Variants in SLC28A1 observed in about 807,000 individuals in gnomAD.
The protein encoded by SLC28A1 is solute carrier family 28 member 1.
Under a neutral mutation model 74.8 loss-of-function variants are expected in SLC28A1, and 64 were observed. The ratio of observed to expected loss-of-function variants is 0.86; its 90% confidence interval spans 0.70 to 1.05. The LOEUF (loss-of-function observed/expected upper bound fraction) is 1.05. SLC28A1 is among the 50% of genes least tolerant of loss of function. The pLI is 0.00. For missense variants in SLC28A1, 828 were observed against 822.8 expected, an observed-to-expected ratio of 1.01 and a Z score of -0.08; for synonymous variants, 359 against 335.0, an observed-to-expected ratio of 1.07 and a Z score of -0.78.
chr15:84,965,907 G>T, the SLC28A1 span, among the ~76,000 whole-genome samples: 1 of 149,850 alleles, frequency 6.7e-6, no homozygotes, highest in Admixed American at 6.6e-5. Context: ...GCGGGGAGGG[G>T]GGGGAAATAT....
intron 12 of SLC28A1, among the ~76,000 whole-genome samples, chr15:84,931,188 G>A (rs1281643096): frequency 1.3e-5 from 2 of 151,848 alleles, no homozygotes; most frequent in Non-Finnish European, 2.9e-5. Flanking sequence ...TTACAGGCGT[G>A]AGCCACTGTG....
chr15:84,898,435 C>T (rs1324983808), intron 6 of SLC28A1, among the ~76,000 whole-genome samples: 1 of 151,966 alleles, frequency 6.6e-6, no homozygotes, highest in Non-Finnish European at 1.5e-5. Context: ...AAAAATTAGC[C>T]AGGCGTGGTG....
At chr15:84,965,895 A>AGGCGGGG in the SLC28A1 span, among the ~76,000 whole-genome samples, 3 of 109,450 alleles carry the variant, frequency 2.7e-5, no homozygotes, top group African/African-American at 1.5e-4. Context: ...AGCTGGAGGG[A>AGGCGGGG]GGCGGGGAGG....
intron 9 of SLC28A1, among the ~76,000 whole-genome samples, chr15:84,911,902 G>C (rs1008184120): frequency 6.6e-6 from 1 of 150,564 alleles, no homozygotes; most frequent in Non-Finnish European, 1.5e-5. Context: ...AAATAAAAAT[G>C]TATCAGTGGT....
At chr15:84,967,853 G>A in the SLC28A1 span, among the ~76,000 whole-genome samples, 1 of 152,190 alleles carries the variant, frequency 6.6e-6, no homozygotes, top group Admixed American at 6.5e-5. Context: ...GTGAGTCTGA[G>A]GGTAGGCTGC....
chr15:84,908,200 T>TC (rs1967545474), intron 8 of SLC28A1, among the ~76,000 whole-genome samples: 1 of 133,508 alleles, frequency 7.5e-6, no homozygotes, highest in African/African-American at 2.7e-5. Context: ...TTTTTTTTTT[T>TC]TGAGACAGAG....
intron 11 of SLC28A1, among the ~76,000 whole-genome samples, chr15:84,923,160 A>T (rs1970049666): frequency 6.6e-6 from 1 of 151,788 alleles, no homozygotes; most frequent in Non-Finnish European, 1.5e-5. Flanking sequence ...CTGGTCTGGA[A>T]CTCCTGACCT....
chr15:84,887,248 C>A, intron 2 of SLC28A1: 1 of 440,416 alleles, frequency 2.3e-6, no homozygotes, highest in Non-Finnish European at 3.0e-6. Context: ...AAAGCTAGGT[C>A]CTCTCTTCAG....
chr15:84,918,462 C>T (rs1228043106), intron 9 of SLC28A1, 62 bp from the exon 10 acceptor site: 17 of 1,363,210 alleles, frequency 1.2e-5, no homozygotes, highest in East Asian at 4.6e-5. Context: ...TCCTGGGCCC[C>T]GCCTGGCACC....
the SLC28A1 span, among the ~76,000 whole-genome samples, chr15:84,973,053 A>AG: frequency 7.2e-6 from 1 of 137,986 alleles, no homozygotes; most frequent in Non-Finnish European, 1.5e-5. Context: ...ATGGCTGACA[A>AG]GGCCCTGCAT....
At chr15:84,944,305 G>A (rs1973059715) in intron 16 of SLC28A1, among the ~76,000 whole-genome samples, 1 of 152,324 alleles carries the variant, frequency 6.6e-6, no homozygotes, top group South Asian at 2.1e-4. Flanking sequence ...TTAATCCCAG[G>A]TCTGCCTGAC....
In SLC28A1 at chr15:84,918,475, G is replaced by A. The variant is rs17222365; in HGVS notation, c.796-49G>A. Reference sequence around the variant, plus strand: ...TCTCCTGGGCCCCGCCTGGCACCCTGCATCCTGCCTGCCTCTAACCTGCGG... The same window carrying A: ...TCTCCTGGGCCCCGCCTGGCACCCTACATCCTGCCTGCCTCTAACCTGCGG... On this transcript the variant is annotated intron_variant, in intron 9 of 18. Coordinates refer to ENST00000394573, the MANE Select transcript of SLC28A1 (RefSeq NM_004213.5). 3.1e-4 allele frequency: 461 copies of A among 1,487,776 alleles called. 2 individuals carry two copies. The African/African-American group carries it at 5.3e-3, about 17-fold the overall frequency. The allele number at this position is 1,487,776 out of a possible 1,614,324, so 92.2% of individuals were successfully genotyped here.
At chr15:84,946,540 G>T (rs1167586754), downstream of SLC28A1, among the ~76,000 whole-genome samples, 1 of 152,062 alleles carries the variant, frequency 6.6e-6, no homozygotes, top group Non-Finnish European at 1.5e-5. Context: ...AGAGGCAGAG[G>T]CAGGATTTGA....
rs998874907 is a variant in SLC28A1 at position 84,943,381 on chromosome 15, G to A, written c.1582-64G>A. The A allele has an allele frequency of 6.9e-6, 8 of 1,165,468 alleles. No homozygotes were observed. In the African/African-American group the frequency reaches 1.2e-4, roughly 18 times the overall value. The allele number at this position is 1,165,468 out of a possible 1,614,324, so 72.2% of individuals were successfully genotyped here. A position where few individuals can be genotyped will look rare whatever the true frequency, so the allele number is the denominator to read the frequency against. On this transcript the variant is annotated intron_variant, in intron 15 of 18. Coordinates refer to ENST00000394573, the MANE Select transcript of SLC28A1 (RefSeq NM_004213.5). ...AAAATTAAGGCCAGGGAGCCTGGGT[G>A]TTATAGGGGTGCCCCAGGCCCATCT...
intron 8 of SLC28A1, among the ~76,000 whole-genome samples, chr15:84,905,869 G>T (rs1967023794): frequency 6.6e-6 from 1 of 151,860 alleles, no homozygotes; most frequent in Non-Finnish European, 1.5e-5. Flanking sequence ...CAATAGAGTA[G>T]TCTTTCCAGA....
At chr15:84,937,025 C>G (rs1459270479) in intron 15 of SLC28A1, among the ~76,000 whole-genome samples, 2 of 148,252 alleles carry the variant, frequency 1.3e-5, no homozygotes, top group Non-Finnish European at 3.0e-5. Context: ...TGCACTCCAG[C>G]CTGGGCAACA....
rs560161939 is a variant in SLC28A1, at chr15:84,894,971, C to G, written c.309C>G (p.Leu103=). The G allele has an allele frequency of 6.2e-7, 1 of 1,614,100 alleles. No homozygotes were observed. Among genetic ancestry groups the G allele is most frequent in the African/African-American group, 1.3e-5 (1 of 74,940 alleles). The change falls in exon 6 of 19, where the codon CTC becomes CTG. Residue 103 remains leucine, a synonymous_variant. Coordinates refer to ENST00000394573, the MANE Select transcript of SLC28A1 (RefSeq NM_004213.5). ...GLSAFLLVAC[L]LDFQRALALF... is the part of the protein sequence containing the mutation. Reference sequence around the variant, plus strand: ...CTGCCTTCCTGCTGGTGGCCTGCCTCCTGGATTTCCAGAGGGCCCTGGCTC... The same window carrying G: ...CTGCCTTCCTGCTGGTGGCCTGCCTGCTGGATTTCCAGAGGGCCCTGGCTC...
intron 18 of SLC28A1, 120 bp downstream of exon 18, chr15:84,944,987 G>A (rs2079149184): frequency 1.9e-6 from 2 of 1,066,476 alleles, no homozygotes; most frequent in East Asian, 4.8e-5. Flanking sequence ...TGCAGCTAAT[G>A]GGGAGGTGAA....
intron 2 of SLC28A1, 99 bp downstream of exon 2, chr15:84,886,886 C>T: frequency 1.8e-6 from 1 of 567,280 alleles, no homozygotes; most frequent in Non-Finnish European, 2.2e-6. Context: ...CACGCACATG[C>T]ACGGGTCTCT....
Sources: allele counts gnomAD v4.1 joint callset (sites outside exome capture counted in the v4.1 genomes callset), GRCh38; gene constraint gnomAD v4.1.1; transcripts MANE v1.5; gene names NCBI Gene and HGNC (gene_info 2026-07-23, HGNC 2026-07-21).